The following MAF variants were observed in gnomAD, a reference collection of about 807,000 sequenced individuals.
MAF encodes the protein transcription factor Maf.
A neutral mutation model predicts 22.0 loss-of-function variants in MAF; 10 were observed. The ratio of observed to expected loss-of-function variants is 0.45; its 90% CI spans 0.28 to 0.77. The LOEUF is 0.77. MAF is among the 30% of genes least tolerant of loss of function. The probability of loss-of-function intolerance (pLI) is 0.12; values close to 1 mark genes in which losing one functional copy is unlikely to be tolerated. For missense variants in MAF, 544 were observed against 548.4 expected (o/e 0.99, Z 0.08); for synonymous variants, 337 against 255.8 (o/e 1.32, Z -3.03).
chr16:79,451,769 T>C, the MAF span, among the ~76,000 whole-genome samples: 1 of 152,230 alleles, frequency 6.6e-6, no homozygotes, highest in Admixed American at 6.5e-5. Context: ...TCCCCAAGGC[T>C]TCTAAAGCTT....
At chr16:79,556,693 G>A in the MAF span, among the ~76,000 whole-genome samples, 6 of 152,240 alleles carry the variant, frequency 3.9e-5, no homozygotes, top group African/African-American at 1.2e-4. Flanking sequence ...AACACAATTA[G>A]ACTTACATTT....
chr16:79,357,658 C>T, the MAF span, among the ~76,000 whole-genome samples: 10 of 152,106 alleles, frequency 6.6e-5, no homozygotes, highest in Non-Finnish European at 1.3e-4. Context: ...TGGCTGTCTT[C>T]CTCACCATCG....
chr16:79,462,423 G>C, the MAF span, among the ~76,000 whole-genome samples: 1 of 152,166 alleles, frequency 6.6e-6, no homozygotes, highest in Admixed American at 6.5e-5. Context: ...ACAGCAACGA[G>C]TTTAGAAGTG....
At chr16:79,439,639 A>G in the MAF span, among the ~76,000 whole-genome samples, 8 of 152,164 alleles carry the variant, frequency 5.3e-5, no homozygotes, top group Non-Finnish European at 1.0e-4. Context: ...TGCTGCAAAA[A>G]CAGTCTGCTC....
At chr16:79,302,219 G>C in the MAF span, among the ~76,000 whole-genome samples, 1 of 152,218 alleles carries the variant, frequency 6.6e-6, no homozygotes, top group South Asian at 2.1e-4. Context: ...CATTCTCGAA[G>C]AGCCTCAGAA....
chr16:79,449,296 C>A, the MAF span, among the ~76,000 whole-genome samples: 1 of 152,304 alleles, frequency 6.6e-6, no homozygotes, highest in East Asian at 1.9e-4. Context: ...AGGCCATGGG[C>A]CACTGGTACT....
the MAF span, among the ~76,000 whole-genome samples, chr16:79,434,854 T>C: frequency 6.6e-6 from 1 of 152,164 alleles, no homozygotes; most frequent in Admixed American, 6.6e-5. Flanking sequence ...AGCTCAGCTT[T>C]TCATGGATTA....
At chr16:79,595,387 T>C in intron 1 of MAF, 3 of 1,052,152 alleles carry the variant, frequency 2.9e-6, no homozygotes, top group Non-Finnish European at 3.4e-6. Context: ...TAAAAATAAG[T>C]CTTTCAGTCA....
the MAF span, among the ~76,000 whole-genome samples, chr16:79,524,943 T>C: frequency 6.6e-6 from 1 of 152,154 alleles, no homozygotes; most frequent in East Asian, 1.9e-4. Flanking sequence ...TTGCTTTAAG[T>C]AGAGCAGCAT....
chr16:79,255,743 G>A, the MAF span, among the ~76,000 whole-genome samples: 1 of 152,146 alleles, frequency 6.6e-6, no homozygotes, highest in Non-Finnish European at 1.5e-5. Flanking sequence ...AGCTCATCAA[G>A]ACTGTCACTG....
the MAF span, among the ~76,000 whole-genome samples, chr16:79,566,936 C>G: frequency 6.6e-6 from 1 of 152,312 alleles, no homozygotes; most frequent in African/African-American, 2.4e-5. Context: ...TTGAATACCT[C>G]TTAGGGCATT....
chr16:79,515,428 A>G, the MAF span, among the ~76,000 whole-genome samples: 1 of 152,238 alleles, frequency 6.6e-6, no homozygotes, highest in Admixed American at 6.5e-5. Flanking sequence ...TACAGTAGTC[A>G]ATGAATTTCC....
intron 1 of MAF, chr16:79,598,511 A>G: frequency 2.2e-6 from 3 of 1,359,660 alleles, no homozygotes; most frequent in South Asian, 3.1e-5. Context: ...TTGGCAATCC[A>G]TGAGCCAGAC....
chr16:79,266,509 G>GA, the MAF span, among the ~76,000 whole-genome samples: 2 of 151,990 alleles, frequency 1.3e-5, no homozygotes, highest in Non-Finnish European at 2.9e-5. Flanking sequence ...TGATAACCAA[G>GA]AAAAAAACAA....
At chr16:79,393,001 A>G in the MAF span, among the ~76,000 whole-genome samples, 1 of 152,090 alleles carries the variant, frequency 6.6e-6, no homozygotes, top group African/African-American at 2.4e-5. Flanking sequence ...AGAACAATTA[A>G]AAGACTCTCT....
chr16:79,329,841 T>G, the MAF span, among the ~76,000 whole-genome samples: 1 of 152,174 alleles, frequency 6.6e-6, no homozygotes, highest in African/African-American at 2.4e-5. Context: ...AACATCTCTC[T>G]CTTCCAACTC....
chr16:79,221,679 G>C, the MAF span, among the ~76,000 whole-genome samples: 1 of 152,096 alleles, frequency 6.6e-6, no homozygotes, highest in Non-Finnish European at 1.5e-5. Context: ...ATGTGATTAT[G>C]TGTGTGTACA....
At chr16:79,499,281 C>G in the MAF span, among the ~76,000 whole-genome samples, 1 of 152,150 alleles carries the variant, frequency 6.6e-6, no homozygotes, top group Non-Finnish European at 1.5e-5. Flanking sequence ...TTTTGGGTCT[C>G]ATGCTCATCA....
the MAF span, among the ~76,000 whole-genome samples, chr16:79,344,686 C>A: frequency 2.2e-4 from 33 of 152,238 alleles, no homozygotes; most frequent in Middle Eastern, 3.4e-3. Flanking sequence ...ACTTTGAAGT[C>A]ATCTAGAGAG....
Sources: allele counts gnomAD v4.1 joint callset (sites outside exome capture counted in the v4.1 genomes callset), GRCh38; gene constraint gnomAD v4.1.1; transcripts MANE v1.5; gene names NCBI Gene and HGNC (gene_info 2026-07-23, HGNC 2026-07-21).